The following USH2A variants were observed in gnomAD, a reference collection of about 807,000 sequenced individuals.
USH2A encodes the protein usherin.
USH2A carries 443 observed loss-of-function variants against 538.9 expected under a neutral mutation model. The ratio of observed to expected loss-of-function variants is 0.82; its 90% CI spans 0.76 to 0.89. USH2A has a LOEUF of 0.89. USH2A is among the 40% of genes least tolerant of loss of function. USH2A has a pLI of 0.00. For synonymous variants in USH2A, 2,413 were observed against 2,273.5 expected, an observed-to-expected ratio of 1.06 and a Z score of -1.75; for missense variants, 6,633 against 6,324.8, an observed-to-expected ratio of 1.05 and a Z score of -1.65.
intron 32 of USH2A, among the ~76,000 whole-genome samples, chr1:216,038,739 A>G (rs538447330): frequency 2.8e-4 from 42 of 152,140 alleles, no homozygotes; most frequent in African/African-American, 1.0e-3. Context: ...TTATAACTCA[A>G]TTTAAGCACT....
chr1:216,087,312 T>C (rs2032165484), intron 23 of USH2A, among the ~76,000 whole-genome samples: 1 of 151,730 alleles, frequency 6.6e-6, no homozygotes, highest in Non-Finnish European at 1.5e-5. Flanking sequence ...CTGGAAGTTC[T>C]GACTTCAGAA....
At chr1:215,853,578 T>G (rs1290992736) in intron 44 of USH2A, among the ~76,000 whole-genome samples, 1 of 152,244 alleles carries the variant, frequency 6.6e-6, no homozygotes, top group Admixed American at 6.5e-5. Flanking sequence ...ATTGTCAGGC[T>G]GCAAATTTTC....
intron 37 of USH2A, among the ~76,000 whole-genome samples, chr1:215,962,438 T>C (rs1048355302): frequency 1.3e-5 from 2 of 152,098 alleles, no homozygotes; most frequent in African/African-American, 2.4e-5. Flanking sequence ...GTTAAACCAA[T>C]GATGGTATGC....
chr1:216,090,184 A>T (rs932866523), intron 22 of USH2A, among the ~76,000 whole-genome samples: 1 of 152,058 alleles, frequency 6.6e-6, no homozygotes, highest in Non-Finnish European at 1.5e-5. Context: ...CCAAACTCTA[A>T]TAATTTTGCT....
rs1375098487 is a variant in USH2A at position 215,622,943 on chromosome 1, TGA to T, written c.*2836_*2837del. The T allele has an allele frequency of 3.3e-5, 5 of 152,240 alleles. No homozygotes were observed. The East Asian group carries it at 9.7e-4, about 29-fold the overall frequency. 9.4% of individuals were successfully genotyped at this position (152,240 alleles called of 1,614,324 possible). ...CAAACCATCTTTAGATTAGTTTACATGATATTTGTGCATTGGAAACCAACTAT... is the reference window on the plus strand; with the variant it reads ...CAAACCATCTTTAGATTAGTTTACATTATTTGTGCATTGGAAACCAACTAT... On this transcript the variant is annotated 3_prime_UTR_variant, in exon 72 of 72. Transcript: ENST00000307340.
chr1:215,657,102 A>T (rs1657281775), intron 64 of USH2A, among the ~76,000 whole-genome samples: 2 of 152,196 alleles, frequency 1.3e-5, no homozygotes, highest in Non-Finnish European at 2.9e-5. Flanking sequence ...CAAAATCACT[A>T]CTTCTTTCAC....
At chr1:215,894,004 C>T (rs778486951) in intron 40 of USH2A, among the ~76,000 whole-genome samples, 14 of 151,986 alleles carry the variant, frequency 9.2e-5, no homozygotes, top group Non-Finnish European at 1.8e-4. Context: ...CATGCAGAAC[C>T]ATTTTGCTCT....
intron 32 of USH2A, among the ~76,000 whole-genome samples, chr1:216,016,068 T>C (rs11120719): frequency 0.46 from 70,123 of 151,706 alleles, 16,704 homozygotes; most frequent in East Asian, 0.7. Context: ...CTGGAAACCA[T>C]CATTCTGGGC....
chr1:216,039,479 T>C (rs1003890592), intron 32 of USH2A, among the ~76,000 whole-genome samples: 6 of 152,030 alleles, frequency 3.9e-5, no homozygotes, highest in African/African-American at 1.4e-4. Flanking sequence ...CCTCACATGC[T>C]CTGCTTTATT....
chr1:215,710,133 C>G (rs1400516566), intron 61 of USH2A, among the ~76,000 whole-genome samples: 3 of 152,226 alleles, frequency 2.0e-5, no homozygotes, highest in Non-Finnish European at 4.4e-5. Context: ...TCAGTTATCA[C>G]AGTGACTGTC....
rs140679100 is a variant in USH2A at position 215,906,368 on chromosome 1, G to A, written c.7301-5463C>T. ...AGTGTTTTCTCTTTGTAGGATATAC[G>A]GAATAAGGTGAGGCTCAGAGAGAAG... On this transcript the variant is annotated intron_variant, in intron 38 of 71. Coordinates refer to ENST00000307340, the MANE Select transcript of USH2A (RefSeq NM_206933.4). Among the ~76,000 whole-genome samples, 52 of 152,008 alleles carry A rather than the reference G, an allele frequency of 3.4e-4. No homozygotes were observed. The East Asian group carries it at 9.3e-3, about 27-fold the overall frequency.
At chr1:215,630,235 T>C (rs1656219604) in intron 70 of USH2A, 1 of 458,552 alleles carries the variant, frequency 2.2e-6, no homozygotes, top group African/African-American at 2.0e-5. Context: ...GCTTGACACA[T>C]CAGATATATC....
At chr1:216,382,790 T>C (rs909837339) in intron 3 of USH2A, among the ~76,000 whole-genome samples, 1 of 152,062 alleles carries the variant, frequency 6.6e-6, no homozygotes, top group Non-Finnish European at 1.5e-5. Context: ...TTTGGGGTAA[T>C]TGGAATAAGT....
At chr1:216,277,041 CT>C (rs1284280797) in intron 11 of USH2A, among the ~76,000 whole-genome samples, 3 of 152,110 alleles carry the variant, frequency 2.0e-5, no homozygotes, top group Non-Finnish European at 4.4e-5. Context: ...ACCTACTTAC[CT>C]ACCTACATAT....
chr1:216,408,675 T>C (rs1291044064), intron 3 of USH2A, among the ~76,000 whole-genome samples: 1 of 152,182 alleles, frequency 6.6e-6, no homozygotes, highest in Non-Finnish European at 1.5e-5. Context: ...AAGAGGGACT[T>C]TATGGCTTCT....
intron 3 of USH2A, among the ~76,000 whole-genome samples, chr1:216,398,570 T>A (rs114098181): frequency 9.1e-6 from 1 of 110,192 alleles, no homozygotes; most frequent in Non-Finnish European, 1.9e-5. Context: ...ACACACACAC[T>A]CTCTCCCCAC....
chr1:215,648,800 G>T, intron 65 of USH2A, 34 bp from the exon 66 acceptor site: 1 of 1,586,250 alleles, frequency 6.3e-7, no homozygotes, highest in Non-Finnish European at 8.7e-7. Flanking sequence ...TAAAGGCAGT[G>T]TCAAACATTA....
At position 215,782,774 on chromosome 1, in the gene USH2A, T is replaced by A; in HGVS notation, c.10549A>T (p.Ile3517Phe). ...ATAGGTTTTCTCCAGTTTAAGACAA[T>A]TGTATCTTCAAGATTGTCTATTTTG... ...WTKIDNLEDT[I>F]VLNWRKPIQS... Residue 3517 changes from isoleucine to phenylalanine, a missense_variant, in exon 53 of 72, where the codon ATT (isoleucine) becomes TTT (phenylalanine). By Grantham distance (21) the Ile-to-Phe change is conservative (BLOSUM62 0). Transcript: ENST00000307340. 1 of 1,613,954 alleles carries A rather than the reference T, an allele frequency of 6.2e-7. No individual in the cohort carries two copies. Among genetic ancestry groups the A allele is most frequent in the Non-Finnish European group, 8.5e-7 (1 of 1,179,872 alleles).
chr1:216,110,672 A>G (rs1432309340), intron 21 of USH2A, among the ~76,000 whole-genome samples: 1 of 152,240 alleles, frequency 6.6e-6, no homozygotes, highest in Non-Finnish European at 1.5e-5. Flanking sequence ...TGTAATCTAC[A>G]GCTATAAAAT....
Sources: gnomAD v4.1 joint callset for allele counts (sites outside exome capture counted in the v4.1 genomes callset) on GRCh38, gnomAD v4.1.1 for gene constraint, MANE v1.5 for transcripts, NCBI Gene and HGNC (gene_info 2026-07-23, HGNC 2026-07-21) for gene names.